MBNL2: variants seen among roughly 807,000 people sequenced by gnomAD.
MBNL2 encodes muscleblind-like protein 2.
Under a neutral mutation model 41.9 loss-of-function variants are expected in MBNL2, and 17 were observed. That is an observed-to-expected ratio of 0.41 (90% CI 0.28 to 0.61). The LOEUF (loss-of-function observed/expected upper bound fraction) is 0.61, where lower values mean the gene tolerates loss of function less well. MBNL2 is among the 20% of genes least tolerant of loss of function. The pLI, the probability that MBNL2 is intolerant of heterozygous loss-of-function variation, is 0.35. For synonymous variants in MBNL2, 195 were observed against 182.9 expected (o/e 1.07, Z -0.53); for missense variants, 336 against 505.6 (o/e 0.66, Z 3.22).
chr13:97,241,752 A>G (rs575712404), intron 1 of MBNL2, among the ~76,000 whole-genome samples: 4 of 152,224 alleles, frequency 2.6e-5, no homozygotes, highest in South Asian at 2.1e-4. Flanking sequence ...GACCAACCCT[A>G]TTTCACTTGG....
At chr13:97,216,721 T>G (rs777384776), upstream of MBNL2, among the ~76,000 whole-genome samples, 1 of 152,188 alleles carries the variant, frequency 6.6e-6, no homozygotes, top group Non-Finnish European at 1.5e-5. Flanking sequence ...TCCTTGACTA[T>G]AAGCTTGCTA....
At chr13:97,287,918 GTTTTT>G (rs11423615) in intron 2 of MBNL2, among the ~76,000 whole-genome samples, 1 of 124,630 alleles carries the variant, frequency 8.0e-6, no homozygotes, top group South Asian at 2.5e-4. Context: ...CTAATTTTCT[GTTTTT>G]TTTTTGTTTT....
At chr13:97,221,246 T>C (rs2040831907), upstream of MBNL2, among the ~76,000 whole-genome samples, 1 of 152,198 alleles carries the variant, frequency 6.6e-6, no homozygotes, top group Non-Finnish European at 1.5e-5. Flanking sequence ...CATGTAATCA[T>C]CATACTTTTT....
rs113780491 is a variant in MBNL2, at chr13:97,368,412, TTAAAA to T, written c.1048+3264_1048+3268del. 2.6e-3 allele frequency among the ~76,000 whole-genome samples: 377 copies of T among 146,154 alleles called. 3 individuals are homozygous for T. The highest frequency in any genetic ancestry group is 8.6e-3 in the African/African-American group (331 of 38,598). On this transcript the variant is annotated intron_variant, in intron 8 of 8. Transcript: ENST00000679496. ...CTGGGTGACAGAGTGACACCCTGTC[TTAAAA>T]TAAAATAAAATAAAATAAAATACAA...
intron 2 of MBNL2, among the ~76,000 whole-genome samples, chr13:97,299,575 A>G (rs183940109): frequency 6.6e-6 from 1 of 152,290 alleles, no homozygotes; most frequent in East Asian, 1.9e-4. Context: ...AGTATCATTA[A>G]CACTTGGTTA....
chr13:97,199,679 G>A, the MBNL2 span, among the ~76,000 whole-genome samples: 1 of 152,226 alleles, frequency 6.6e-6, no homozygotes, highest in Non-Finnish European at 1.5e-5. Flanking sequence ...GGAATGGAAT[G>A]CTGACAGCGC....
At chr13:97,323,067 A>T (rs1224263812) in intron 2 of MBNL2, among the ~76,000 whole-genome samples, 7 of 152,194 alleles carry the variant, frequency 4.6e-5, no homozygotes, top group Non-Finnish European at 8.8e-5. Flanking sequence ...TCTGTTTTCT[A>T]CCTGAGATGG....
At chr13:97,328,852 T>TC (rs1434891218) in intron 2 of MBNL2, among the ~76,000 whole-genome samples, 2 of 152,234 alleles carry the variant, frequency 1.3e-5, no homozygotes, top group Non-Finnish European at 2.9e-5. Context: ...TGATTTTTTT[T>TC]CAATTAGGAG....
intron 5 of MBNL2, among the ~76,000 whole-genome samples, chr13:97,355,148 C>T (rs1472680016): frequency 6.6e-6 from 1 of 152,150 alleles, no homozygotes; most frequent in Non-Finnish European, 1.5e-5. Flanking sequence ...TTGTTTTTAA[C>T]GTTCACAATT....
intron 8 of MBNL2, 38 bp downstream of exon 8, chr13:97,365,209 G>A (rs1566443546): frequency 1.5e-6 from 2 of 1,305,086 alleles, no homozygotes; most frequent in East Asian, 2.3e-5. Context: ...TTTATATGAT[G>A]TACAATACCT....
chr13:97,252,417 T>TA (rs1220943354), intron 1 of MBNL2, among the ~76,000 whole-genome samples: 1 of 152,046 alleles, frequency 6.6e-6, no homozygotes, highest in Non-Finnish European at 1.5e-5. Flanking sequence ...TCCCCAACAA[T>TA]AAAAAATCCC....
chr13:97,156,715 G>T, the MBNL2 span, among the ~76,000 whole-genome samples: 4 of 149,384 alleles, frequency 2.7e-5, no homozygotes, highest in South Asian at 2.2e-4. Flanking sequence ...TAGATATGCG[G>T]CGTTATTTCT....
the MBNL2 span, among the ~76,000 whole-genome samples, chr13:97,143,464 G>T: frequency 1.3e-5 from 2 of 152,318 alleles, no homozygotes; most frequent in East Asian, 1.9e-4. Flanking sequence ...ATGCAAAACT[G>T]CATGTGACTC....
At chr13:97,298,242 C>T (rs1371828654) in intron 2 of MBNL2, among the ~76,000 whole-genome samples, 2 of 151,986 alleles carry the variant, frequency 1.3e-5, no homozygotes, top group Non-Finnish European at 2.9e-5. Context: ...TCCTGGAAGG[C>T]AATTTGTTAA....
chr13:97,163,487 C>T, the MBNL2 span, among the ~76,000 whole-genome samples: 1 of 152,166 alleles, frequency 6.6e-6, no homozygotes, highest in East Asian at 1.9e-4. Flanking sequence ...ATCTCCAAAA[C>T]TCTATGGGGT....
the MBNL2 span, among the ~76,000 whole-genome samples, chr13:97,152,227 A>G: frequency 6.6e-6 from 1 of 152,196 alleles, no homozygotes; most frequent in Non-Finnish European, 1.5e-5. Context: ...TAGATGAGTT[A>G]GAAGATAGGG....
At chr13:97,348,027 T>C (rs1323767182) in intron 5 of MBNL2, among the ~76,000 whole-genome samples, 1 of 150,698 alleles carries the variant, frequency 6.6e-6, no homozygotes, top group African/African-American at 2.5e-5. Context: ...TTCCCTGAAG[T>C]TTCTTATTTT....
chr13:97,254,265 AATGTT>A (rs1475126732), intron 1 of MBNL2, among the ~76,000 whole-genome samples: 3 of 152,218 alleles, frequency 2.0e-5, no homozygotes, highest in Non-Finnish European at 4.4e-5. Context: ...TTTAGATTAA[AATGTT>A]ATAACACTGA....
chr13:97,329,689 A>C (rs1300926286), intron 2 of MBNL2, among the ~76,000 whole-genome samples: 17 of 568 alleles, frequency 0.03, no homozygotes, highest in Middle Eastern at 0.5. Context: ...CACAACACAC[A>C]CAATACACAC....
Sources: gnomAD v4.1 joint callset for allele counts (sites outside exome capture counted in the v4.1 genomes callset) on GRCh38, gnomAD v4.1.1 for gene constraint, MANE v1.5 for transcripts, NCBI Gene and HGNC (gene_info 2026-07-23, HGNC 2026-07-21) for gene names.